Variants in INSYN2B observed in about 807,000 individuals in gnomAD.
INSYN2B encodes protein INSYN2B.
In INSYN2B, 16 loss-of-function variants were observed where a neutral mutation model predicts 41.2. The observed-to-expected ratio is 0.39, with a 90% CI of 0.26 to 0.59. The LOEUF (loss-of-function observed/expected upper bound fraction) is 0.59. Ranked by LOEUF, INSYN2B falls within the 20% of genes least tolerant of loss-of-function variation. INSYN2B has a pLI of 0.57. For missense variants in INSYN2B, 608 were observed against 646.4 expected, an observed-to-expected ratio of 0.94 and a Z score of 0.64; for synonymous variants, 245 against 244.4, an observed-to-expected ratio of 1.00 and a Z score of -0.02.
At chr5:169,879,012 G>A (rs1427447574) in intron 3 of INSYN2B, among the ~76,000 whole-genome samples, 8 of 152,184 alleles carry the variant, frequency 5.3e-5, no homozygotes, top group African/African-American at 1.7e-4. Flanking sequence ...GAGGCTTAGG[G>A]AGCAGAGAGA....
chr5:169,962,862 TCTC>T (rs1777147246), intron 1 of INSYN2B, among the ~76,000 whole-genome samples: 1 of 152,030 alleles, frequency 6.6e-6, no homozygotes. Context: ...GAGGCAGAAT[TCTC>T]CTTGCCCAGA....
chr5:169,920,736 A>C (rs1775127798), intron 1 of INSYN2B, among the ~76,000 whole-genome samples: 2 of 152,172 alleles, frequency 1.3e-5, no homozygotes, highest in African/African-American at 2.4e-5. Context: ...CTGCAGATTT[A>C]ATTTATAGCT....
At chr5:169,922,985 C>T (rs917980672) in intron 1 of INSYN2B, among the ~76,000 whole-genome samples, 4 of 152,176 alleles carry the variant, frequency 2.6e-5, no homozygotes. Context: ...GTGAATTTCT[C>T]TTATCGGTCC....
intron 1 of INSYN2B, among the ~76,000 whole-genome samples, chr5:169,944,915 G>A (rs1215846337): frequency 6.6e-6 from 1 of 152,158 alleles, no homozygotes; most frequent in Non-Finnish European, 1.5e-5. Context: ...CCTGTCTCTT[G>A]TCTGCTACAT....
At chr5:169,872,684 G>A (rs997443962) in intron 3 of INSYN2B, among the ~76,000 whole-genome samples, 3 of 152,058 alleles carry the variant, frequency 2.0e-5, no homozygotes, top group African/African-American at 7.2e-5. Context: ...CCTCAGAAAG[G>A]GTAGATCATC....
intron 1 of INSYN2B, among the ~76,000 whole-genome samples, chr5:169,948,410 AC>A (rs1776529208): frequency 6.6e-6 from 1 of 151,994 alleles, no homozygotes; most frequent in South Asian, 2.1e-4. Flanking sequence ...GTTTTTTCAT[AC>A]CCATTCATCC....
At chr5:169,966,940 C>T (rs1385963615) in intron 1 of INSYN2B, among the ~76,000 whole-genome samples, 1 of 152,248 alleles carries the variant, frequency 6.6e-6, no homozygotes, top group East Asian at 1.9e-4. Flanking sequence ...CTTAAATTAA[C>T]ACATGCTATG....
At chr5:169,893,190 C>A (rs910206598) in intron 1 of INSYN2B, among the ~76,000 whole-genome samples, 2 of 152,204 alleles carry the variant, frequency 1.3e-5, no homozygotes, top group Admixed American at 1.3e-4. Flanking sequence ...GGCACCTGCC[C>A]TGTAGGGACA....
intron 1 of INSYN2B, among the ~76,000 whole-genome samples, chr5:169,966,084 G>A (rs539090740): frequency 6.6e-6 from 1 of 152,288 alleles, no homozygotes; most frequent in Non-Finnish European, 1.5e-5. Flanking sequence ...TCTCGAAATG[G>A]CAATGTGCAA....
At position 169,862,224 on chromosome 5, in the gene INSYN2B, A is replaced by G. The variant is rs1451263462; in HGVS notation, c.*2049T>C. ...TCTTATCTGTATTCAAGAATGGACA[A>G]ACAGGCCGGGAAATTTAAGCCATTT... On this transcript the variant is annotated 3_prime_UTR_variant, in exon 4 of 4. Transcript: ENST00000377365. Among the ~76,000 whole-genome samples the G allele has an allele frequency of 6.6e-6, 1 of 152,258 alleles. No individual in the cohort carries two copies. The highest frequency in any genetic ancestry group is 2.4e-5 in the African/African-American group (1 of 41,468).
intron 1 of INSYN2B, among the ~76,000 whole-genome samples, chr5:169,907,765 C>T (rs543488601): frequency 6.6e-6 from 1 of 152,182 alleles, no homozygotes. Context: ...ACTTTGCCCC[C>T]ACTCTGCAAC....
rs1444349874 is a variant in INSYN2B, at chr5:169,883,029, A to C, written c.870T>G (p.Leu290=). ...CCTTTGACTGAGATGACAGTGAGCC[A>C]AGGTCTTTGTCATCTGAGTTGTCTT... ...LPKDNSDDKD[L]GSLSSQSKET... is the part of the protein sequence containing the mutation. The change falls in exon 2 of 4, where the codon CTT becomes CTG. Residue 290 remains leucine, a synonymous_variant. Transcript: ENST00000377365. The C allele has an allele frequency of 6.4e-7, 1 of 1,551,676 alleles. No homozygotes were observed.
intron 3 of INSYN2B, among the ~76,000 whole-genome samples, chr5:169,866,274 G>A (rs1291506698): frequency 2.0e-5 from 3 of 152,156 alleles, no homozygotes; most frequent in African/African-American, 7.2e-5. Context: ...CTGGCTGGAT[G>A]ACCTATAGGC....
intron 3 of INSYN2B, among the ~76,000 whole-genome samples, chr5:169,876,088 G>T (rs1261957005): frequency 6.6e-6 from 1 of 152,110 alleles, no homozygotes; most frequent in Non-Finnish European, 1.5e-5. Context: ...ATGCCTCCTG[G>T]CTTGTGACCA....
intron 3 of INSYN2B, among the ~76,000 whole-genome samples, chr5:169,874,514 G>A (rs1772196889): frequency 6.6e-6 from 1 of 151,544 alleles, no homozygotes; most frequent in Admixed American, 6.6e-5. Flanking sequence ...TTAGCTTCAT[G>A]CATGGTCCTT....
chr5:169,899,955 C>G (rs1773826411), intron 1 of INSYN2B, among the ~76,000 whole-genome samples: 1 of 152,238 alleles, frequency 6.6e-6, no homozygotes, highest in South Asian at 2.1e-4. Context: ...TTTCCTTCCA[C>G]TAAGATCATG....
At chr5:169,896,182 G>A (rs1773594671) in intron 1 of INSYN2B, among the ~76,000 whole-genome samples, 1 of 152,142 alleles carries the variant, frequency 6.6e-6, no homozygotes, top group South Asian at 2.1e-4. Flanking sequence ...TGGGGTCGGG[G>A]GGCGGGGAGG....
intron 1 of INSYN2B, among the ~76,000 whole-genome samples, chr5:169,963,526 C>T (rs765521503): frequency 6.6e-6 from 1 of 152,136 alleles, no homozygotes; most frequent in Non-Finnish European, 1.5e-5. Context: ...TCCCTTAGAG[C>T]TGGAGGCTTT....
In INSYN2B at chr5:169,863,463, C is replaced by CTT. The variant is rs1771331267; in HGVS notation, c.*809_*810insAA. ...TAACTATGGAGTCTTAAAGTTCACA[C>CTT]CAAAAACAGATTCCACCCATTTGCC... is the stretch of plus-strand genomic sequence containing the variant. On this transcript the variant is annotated 3_prime_UTR_variant, in exon 4 of 4. Coordinates refer to ENST00000377365, the MANE Select transcript of INSYN2B (RefSeq NM_001129891.3). 6.6e-6 allele frequency among the ~76,000 whole-genome samples: 1 copy of CTT among 152,182 alleles called. No individual in the cohort carries two copies. The highest frequency in any genetic ancestry group is 1.5e-5 in the Non-Finnish European group (1 of 68,042).
Sources: allele counts gnomAD v4.1 joint callset (sites outside exome capture counted in the v4.1 genomes callset), GRCh38; gene constraint gnomAD v4.1.1; transcripts MANE v1.5; gene names NCBI Gene and HGNC (gene_info 2026-07-23, HGNC 2026-07-21).